SLC35E4: variants seen among roughly 807,000 people sequenced by gnomAD.
SLC35E4 encodes the protein solute carrier family 35, member E4.
Under a neutral mutation model 19.3 loss-of-function variants are expected in SLC35E4, and 15 were observed. The observed-to-expected ratio is 0.78, with a 90% CI of 0.52 to 1.20. SLC35E4 has a LOEUF of 1.20. Ranked by LOEUF, SLC35E4 falls within the 50% of genes most tolerant of loss-of-function variation. The pLI is 0.00. For missense variants in SLC35E4, 406 were observed against 472.3 expected (o/e 0.86, Z 1.30); for synonymous variants, 219 against 219.9 (o/e 1.00, Z 0.04).
chr22:30,663,322 G>A, downstream of SLC35E4: 1 of 1,016,502 alleles, frequency 9.8e-7, no homozygotes, highest in Non-Finnish European at 1.4e-6. Flanking sequence ...CTCATAAAAG[G>A]CATCATCTGT....
chr22:30,636,554 C>T lies in SLC35E4; in HGVS notation c.104C>T (p.Pro35Leu). 1 of 1,568,254 alleles carries T rather than the reference C, an allele frequency of 6.4e-7. No individual in the cohort carries two copies. Among genetic ancestry groups the T allele is most frequent in the Non-Finnish European group, 8.6e-7 (1 of 1,156,548 alleles). ...GCGGCTGGGCCCCCCGAGTGGCCCC[C>T]TGGCAGCCCTCAGGCCCTCCGGCAG... ...AQAAGPPEWP[P>L]GSPQALRQPG... Residue 35 changes from proline (P) to leucine (L), a missense_variant, in exon 1 of 2, where the codon CCT becomes CTT. Physicochemically the swap from Pro to Leu is moderately conservative, Grantham distance 98 (BLOSUM62 -3). Coordinates refer to ENST00000343605, the MANE Select transcript of SLC35E4 (RefSeq NM_001001479.4).
downstream of SLC35E4, among the ~76,000 whole-genome samples, chr22:30,664,329 C>G (rs1037602536): frequency 6.6e-6 from 1 of 152,208 alleles, no homozygotes; most frequent in Non-Finnish European, 1.5e-5. Context: ...CTAATGTGCA[C>G]TGCCCTATAG....
intron 1 of SLC35E4, among the ~76,000 whole-genome samples, chr22:30,638,609 C>G (rs1210907657): frequency 1.3e-5 from 2 of 150,594 alleles, no homozygotes; most frequent in African/African-American, 2.4e-5. Flanking sequence ...GTCAGGAGTT[C>G]GAGACCAGCC....
At chr22:30,665,660 A>G (rs2088623410), downstream of SLC35E4, 2 of 396,964 alleles carry the variant, frequency 5.0e-6, no homozygotes, top group Middle Eastern at 3.5e-4. Flanking sequence ...CCTTCCTAAC[A>G]CTTACTGAAG....
intron 1 of SLC35E4, among the ~76,000 whole-genome samples, chr22:30,642,691 A>C (rs972854826): frequency 6.9e-6 from 1 of 145,568 alleles, no homozygotes; most frequent in Non-Finnish European, 1.5e-5. Context: ...CAGTGAGCCG[A>C]GATATCACAC....
At chr22:30,651,427 ATTTTTTTTTTTTTTTTTTTT>A (rs1160256288), downstream of SLC35E4, among the ~76,000 whole-genome samples, 8 of 22,160 alleles carry the variant, frequency 3.6e-4, no homozygotes, top group Non-Finnish European at 4.4e-4. Flanking sequence ...ATATATATAT[ATTTTTTTTTTTTTTTTTTTT>A]TTTTTTTTTT....
chr22:30,643,842 A>C (rs1356832998), intron 1 of SLC35E4, among the ~76,000 whole-genome samples: 1 of 152,214 alleles, frequency 6.6e-6, no homozygotes, highest in East Asian at 1.9e-4. Flanking sequence ...GCATGTTCCA[A>C]TAGAAGGAGA....
chr22:30,651,721 A>T (rs1182920618), downstream of SLC35E4, among the ~76,000 whole-genome samples: 1 of 152,006 alleles, frequency 6.6e-6, no homozygotes, highest in African/African-American at 2.4e-5. Context: ...GACAGTGGGG[A>T]CAGTGCTAGG....
At chr22:30,644,180 T>A (rs1455686075) in intron 1 of SLC35E4, among the ~76,000 whole-genome samples, 2 of 152,246 alleles carry the variant, frequency 1.3e-5, no homozygotes, top group Non-Finnish European at 2.9e-5. Context: ...GCATTCTGAT[T>A]ATCTGTTCAT....
At chr22:30,656,866 G>A (rs1292499592) in intron 2 of SLC35E4, among the ~76,000 whole-genome samples, 2 of 152,206 alleles carry the variant, frequency 1.3e-5, no homozygotes, top group Non-Finnish European at 2.9e-5. Flanking sequence ...TGTAATCACA[G>A]CACTTTCGGA....
chr22:30,656,123 A>C (rs1203676443), intron 2 of SLC35E4, among the ~76,000 whole-genome samples: 1 of 151,062 alleles, frequency 6.6e-6, no homozygotes, highest in Non-Finnish European at 1.5e-5. Flanking sequence ...ACAGGTGTGC[A>C]CCACCATGCT....
chr22:30,645,873 T>G (rs2088120442), intron 1 of SLC35E4, among the ~76,000 whole-genome samples: 3 of 146,586 alleles, frequency 2.0e-5, no homozygotes, highest in African/African-American at 7.6e-5. Flanking sequence ...CAGGCTGGAG[T>G]GCAGTGGTGC....
chr22:30,650,178 A>G (rs1360137761), downstream of SLC35E4, among the ~76,000 whole-genome samples: 2 of 149,786 alleles, frequency 1.3e-5, no homozygotes, highest in African/African-American at 5.0e-5. Flanking sequence ...CTAAAAATAC[A>G]AAAATTAGCT....
Position 30,637,164 on chromosome 22 carries a change from C to T in SLC35E4, c.619+95C>T, listed in dbSNP as rs370121321. 8 of 1,478,164 alleles carry T rather than the reference C, an allele frequency of 5.4e-6. No individual in the cohort carries two copies. The East Asian group carries it at 1.6e-4, about 30-fold the overall frequency. 91.6% of individuals were successfully genotyped at this position (1,478,164 alleles called of 1,614,324 possible). On this transcript the variant is annotated intron_variant, in intron 1 of 1. Transcript: ENST00000343605. ...GGGGTATGGCTGTTGTCCCATTTTA[C>T]AAATGAGGAAACTGAGGTTCATGGC...
At chr22:30,639,156 A>C (rs1278141510) in intron 1 of SLC35E4, among the ~76,000 whole-genome samples, 1 of 152,208 alleles carries the variant, frequency 6.6e-6, no homozygotes, top group African/African-American at 2.4e-5. Flanking sequence ...AGAGTACAAA[A>C]GGGAGAAATT....
intron 2 of SLC35E4, among the ~76,000 whole-genome samples, chr22:30,660,650 GA>G (rs1233006157): frequency 6.6e-6 from 1 of 152,148 alleles, no homozygotes. Context: ...GTGGCTCTGT[GA>G]ACTCTGATAA....
chr22:30,637,536 G>A (rs2087970071), intron 1 of SLC35E4, among the ~76,000 whole-genome samples: 1 of 152,086 alleles, frequency 6.6e-6, no homozygotes, highest in African/African-American at 2.4e-5. Flanking sequence ...TTTCAAGCGT[G>A]AGCCACCCCA....
intron 1 of SLC35E4, among the ~76,000 whole-genome samples, chr22:30,642,828 G>C (rs2088067233): frequency 6.6e-6 from 1 of 151,420 alleles, no homozygotes; most frequent in South Asian, 2.1e-4. Flanking sequence ...AGGAGATTGA[G>C]ACCATCCTGG....
At chr22:30,661,431 T>A (rs2088462907) in intron 2 of SLC35E4, 1 of 149,326 alleles carries the variant, frequency 6.7e-6, no homozygotes, top group Non-Finnish European at 1.5e-5. Flanking sequence ...ATTTCTTTTT[T>A]TCTTTTCTTT....
Sources: gnomAD v4.1 joint callset for allele counts (sites outside exome capture counted in the v4.1 genomes callset) on GRCh38, gnomAD v4.1.1 for gene constraint, MANE v1.5 for transcripts, NCBI Gene and HGNC (gene_info 2026-07-23, HGNC 2026-07-21) for gene names.